PCP4L1: variants seen among roughly 807,000 people sequenced by gnomAD.
PCP4L1 encodes the protein Purkinje cell protein 4 like 1.
A neutral mutation model predicts 9.6 loss-of-function variants in PCP4L1; 9 were observed. That is an observed-to-expected ratio of 0.94 (90% CI 0.57 to 1.64). The LOEUF is 1.64. Among genes scored for constraint, PCP4L1 ranks in the 40% most tolerant of loss-of-function variants. The pLI is 0.00. For missense variants in PCP4L1, 81 were observed against 80.8 expected (o/e 1.00, Z -0.01); for synonymous variants, 31 against 28.2 (o/e 1.10, Z -0.31).
chr1:161,282,941 C>T (rs1339027607), intron 1 of PCP4L1, among the ~76,000 whole-genome samples: 2 of 152,148 alleles, frequency 1.3e-5, no homozygotes, highest in African/African-American at 4.8e-5. Context: ...TCTGCAATAA[C>T]CTCTTAACAG....
chr1:161,266,622 T>C (rs1177040946), intron 1 of PCP4L1, among the ~76,000 whole-genome samples: 1 of 152,154 alleles, frequency 6.6e-6, no homozygotes, highest in Non-Finnish European at 1.5e-5. Context: ...ACAAGGGGGC[T>C]TGGGAGCTAG....
At chr1:161,262,433 CAAAAAAA>C (rs539872397) in intron 1 of PCP4L1, among the ~76,000 whole-genome samples, 3 of 63,140 alleles carry the variant, frequency 4.8e-5, no homozygotes, top group African/African-American at 1.7e-4. Flanking sequence ...GACTCCATCT[CAAAAAAA>C]AAAAAAAAAA....
At chr1:161,271,798 G>C (rs1172939858) in intron 1 of PCP4L1, among the ~76,000 whole-genome samples, 1 of 144,644 alleles carries the variant, frequency 6.9e-6, no homozygotes, top group African/African-American at 2.6e-5. Flanking sequence ...CACTGTGCCT[G>C]ATCTTTTTTT....
intron 1 of PCP4L1, among the ~76,000 whole-genome samples, chr1:161,269,932 AAGGCTG>A (rs1259963128): frequency 1.3e-5 from 2 of 151,944 alleles, no homozygotes; most frequent in Non-Finnish European, 2.9e-5. Context: ...CCAGGAGGCC[AAGGCTG>A]CAGTGAGCTG....
In PCP4L1 at chr1:161,268,515, T is replaced by C. The variant is rs894928155; in HGVS notation, c.9+9532T>C. Among the ~76,000 whole-genome samples, 6 of 152,110 alleles carry C rather than the reference T, an allele frequency of 3.9e-5. 1 individual carries two copies. The highest frequency in any genetic ancestry group is 1.5e-5 in the Non-Finnish European group (1 of 68,022). On this transcript the variant is annotated intron_variant, in intron 1 of 2. Coordinates refer to ENST00000504449, the MANE Select transcript of PCP4L1 (RefSeq NM_001102566.2). ...TAACTATTTATTGTAATATGTGCTATGTATTTTACATACATTTTTCTCTGG... is the reference window on the plus strand; with the variant it reads ...TAACTATTTATTGTAATATGTGCTACGTATTTTACATACATTTTTCTCTGG...
At chr1:161,270,936 T>C (rs1380330310) in intron 1 of PCP4L1, among the ~76,000 whole-genome samples, 1 of 151,518 alleles carries the variant, frequency 6.6e-6, no homozygotes, top group East Asian at 1.9e-4. Flanking sequence ...TGTGAGGATA[T>C]AGCAAAAAGA....
intron 1 of PCP4L1, among the ~76,000 whole-genome samples, chr1:161,262,367 G>A (rs1669431540): frequency 1.4e-5 from 2 of 146,384 alleles, no homozygotes; most frequent in South Asian, 4.2e-4. Flanking sequence ...CCGGGAGGCG[G>A]AGCTTGCAGT....
At chr1:161,281,535 G>A (rs1208612888) in intron 1 of PCP4L1, among the ~76,000 whole-genome samples, 6 of 151,104 alleles carry the variant, frequency 4.0e-5, no homozygotes, top group East Asian at 3.9e-4. Context: ...CCTCCCTCCC[G>A]GACGGGGCAG....
At chr1:161,281,328 T>C (rs943941159) in intron 1 of PCP4L1, among the ~76,000 whole-genome samples, 6 of 152,172 alleles carry the variant, frequency 3.9e-5, no homozygotes, top group Non-Finnish European at 7.4e-5. Context: ...GCCATTGTCA[T>C]CATGGCCCGT....
intron 1 of PCP4L1, among the ~76,000 whole-genome samples, chr1:161,276,997 T>C (rs1669711759): frequency 1.3e-5 from 2 of 152,106 alleles, no homozygotes; most frequent in African/African-American, 2.4e-5. Flanking sequence ...TTACACCTAT[T>C]ATCTCAGCTA....
intron 1 of PCP4L1, among the ~76,000 whole-genome samples, chr1:161,281,327 A>G (rs1669792452): frequency 6.6e-6 from 1 of 152,124 alleles, no homozygotes; most frequent in African/African-American, 2.4e-5. Flanking sequence ...CGCCATTGTC[A>G]TCATGGCCCG....
chr1:161,281,784 G>A (rs188178150), intron 1 of PCP4L1, among the ~76,000 whole-genome samples: 229 of 14,388 alleles, frequency 0.016, 1 homozygote, highest in Middle Eastern at 0.036. Context: ...CTCACATCCC[G>A]GACGGGGCGG....
intron 1 of PCP4L1, among the ~76,000 whole-genome samples, chr1:161,278,919 A>C (rs1247700936): frequency 6.6e-6 from 1 of 152,068 alleles, no homozygotes; most frequent in Non-Finnish European, 1.5e-5. Context: ...AGTAGCTGGG[A>C]CCACAAGTGC....
intron 1 of PCP4L1, among the ~76,000 whole-genome samples, chr1:161,279,231 G>A (rs770736673): frequency 1.2e-4 from 18 of 152,172 alleles, no homozygotes; most frequent in Non-Finnish European, 7.3e-5. Flanking sequence ...CTACTCAAAT[G>A]TCAGTCTTCA....
chr1:161,268,890 G>A (rs76743926), intron 1 of PCP4L1, among the ~76,000 whole-genome samples: 8,437 of 152,158 alleles, frequency 0.055, 330 homozygotes, highest in Non-Finnish European at 0.079. Flanking sequence ...TTCTGCAGAT[G>A]AGCGATCTGA....
intron 1 of PCP4L1, among the ~76,000 whole-genome samples, chr1:161,268,428 C>A (rs962163669): frequency 6.6e-6 from 1 of 152,136 alleles, no homozygotes; most frequent in African/African-American, 2.4e-5. Context: ...CAATAAATAC[C>A]TCAGCATCTT....
At position 161,285,420 on chromosome 1, in the gene PCP4L1, C is replaced by G. The variant is rs559205957; in HGVS notation, c.*939C>G. The G allele has an allele frequency of 6.6e-6, 1 of 152,300 alleles. No individual in the cohort carries two copies. Among genetic ancestry groups the G allele is most frequent in the Non-Finnish European group, 1.5e-5 (1 of 68,024 alleles). 9.4% of individuals were successfully genotyped at this position (152,300 alleles called of 1,614,324 possible). On this transcript the variant is annotated 3_prime_UTR_variant, in exon 3 of 3. Coordinates refer to ENST00000504449, the MANE Select transcript of PCP4L1 (RefSeq NM_001102566.2). ...CATGTTTAATCATTTTAACAATAAACCACCCCACAAATGGGGTCATTTAAC... is the reference window on the plus strand; with the variant it reads ...CATGTTTAATCATTTTAACAATAAAGCACCCCACAAATGGGGTCATTTAAC...
intron 1 of PCP4L1, among the ~76,000 whole-genome samples, chr1:161,279,246 G>C (rs774177087): frequency 2.0e-5 from 3 of 152,172 alleles, no homozygotes; most frequent in Non-Finnish European, 4.4e-5. Context: ...TCTTCAGAGA[G>C]ACTTTCCTAG....
At chr1:161,283,201 TC>T (rs1390599415) in intron 1 of PCP4L1, among the ~76,000 whole-genome samples, 2 of 152,186 alleles carry the variant, frequency 1.3e-5, no homozygotes, top group Non-Finnish European at 2.9e-5. Flanking sequence ...CCTTGAAAAC[TC>T]CTGCCAGATA....
Sources: allele counts gnomAD v4.1 joint callset (sites outside exome capture counted in the v4.1 genomes callset), GRCh38; gene constraint gnomAD v4.1.1; transcripts MANE v1.5; gene names NCBI Gene and HGNC (gene_info 2026-07-23, HGNC 2026-07-21).